ST18: variants seen among roughly 807,000 people sequenced by gnomAD.
The protein encoded by ST18 is ST18 C2H2C-type zinc finger transcription factor.
Under a neutral mutation model 110.0 loss-of-function variants are expected in ST18, and 50 were observed. That is an observed-to-expected ratio of 0.45 (90% confidence interval 0.36 to 0.58). ST18 has a LOEUF of 0.58. Among genes scored for constraint, ST18 ranks in the 20% least tolerant of loss-of-function variants. ST18 has a pLI of 0.00. For synonymous variants in ST18, 461 were observed against 452.4 expected (o/e 1.02, Z -0.24); for missense variants, 1,306 against 1,280.1 (o/e 1.02, Z -0.31).
rs554304585 is a variant in ST18 at position 52,243,913 on chromosome 8, C to T, written c.-464-13836G>A. 3.9e-5 allele frequency among the ~76,000 whole-genome samples: 6 copies of T among 152,102 alleles called. No individual in the cohort carries two copies. The East Asian group carries it at 9.7e-4, about 24-fold the overall frequency. ...AGAGGGAGAGAGAGAGAGCTGTGCA[C>T]GTGCATGTTTCCATTATTTGACAAA... On this transcript the variant is annotated intron_variant, in intron 2 of 25. Transcript: ENST00000689386.
At chr8:52,333,000 C>T (rs1810324616) in intron 2 of ST18, among the ~76,000 whole-genome samples, 1 of 152,076 alleles carries the variant, frequency 6.6e-6, no homozygotes, top group Non-Finnish European at 1.5e-5. Flanking sequence ...GAGGCTGAAT[C>T]ACTTGCCCCA....
rs79187377 is a variant in ST18 at position 52,398,948 on chromosome 8, C to T, written c.-465+10380G>A. On this transcript the variant is annotated intron_variant, in intron 2 of 25. Coordinates refer to ENST00000689386, the MANE Select transcript of ST18 (RefSeq NM_001352837.2). ...GCTTAGGTATCAAGGTAATAATGCC[C>T]TCATAAAATGCGTTAGGAAGTATTG... is the stretch of plus-strand genomic sequence containing the variant. Among the ~76,000 whole-genome samples the T allele has an allele frequency of 7.2e-5, 11 of 152,054 alleles. No individual in the cohort carries two copies. In the East Asian group the frequency reaches 1.9e-3, roughly 27 times the overall value.
chr8:52,360,083 T>C (rs552687188), intron 2 of ST18, among the ~76,000 whole-genome samples: 15 of 152,194 alleles, frequency 9.9e-5, no homozygotes, highest in Admixed American at 4.6e-4. Context: ...TCAAGTTCAG[T>C]TTCATTCTTC....
intron 2 of ST18, among the ~76,000 whole-genome samples, chr8:52,343,750 T>C (rs1460905616): frequency 2.0e-5 from 3 of 152,240 alleles, no homozygotes; most frequent in Admixed American, 1.3e-4. Flanking sequence ...GATTACCTTA[T>C]TTAATTACAG....
chr8:52,163,191 A>G (rs2061907386), intron 13 of ST18, among the ~76,000 whole-genome samples: 1 of 152,252 alleles, frequency 6.6e-6, no homozygotes, highest in Non-Finnish European at 1.5e-5. Context: ...TTCTTCACGC[A>G]TGTGATTTAA....
chr8:52,292,193 G>GA (rs1164679716), intron 2 of ST18, among the ~76,000 whole-genome samples: 2 of 152,132 alleles, frequency 1.3e-5, no homozygotes, highest in Non-Finnish European at 2.9e-5. Flanking sequence ...CATTAATATT[G>GA]AAAAAACATT....
chr8:52,255,053 A>G (rs1335293583), intron 2 of ST18, among the ~76,000 whole-genome samples: 5 of 152,110 alleles, frequency 3.3e-5, no homozygotes, highest in Admixed American at 1.3e-4. Context: ...CCCAAGCTAT[A>G]AGTAAATAGA....
chr8:52,195,588 A>T (rs1003933992), intron 8 of ST18, among the ~76,000 whole-genome samples: 1 of 152,136 alleles, frequency 6.6e-6, no homozygotes, highest in Non-Finnish European at 1.5e-5. Context: ...AAATAATCTT[A>T]AAAAAACTTT....
At chr8:52,141,137 C>G (rs572721586) in intron 17 of ST18, among the ~76,000 whole-genome samples, 1 of 152,304 alleles carries the variant, frequency 6.6e-6, no homozygotes, top group Non-Finnish European at 1.5e-5. Flanking sequence ...AGGGAGAATG[C>G]TATTTCAGCC....
At chr8:52,268,509 AT>A (rs2094955673) in intron 2 of ST18, among the ~76,000 whole-genome samples, 1 of 103,272 alleles carries the variant, frequency 9.7e-6, no homozygotes. Flanking sequence ...CTATCTATCT[AT>A]TTATCTATCT....
Position 52,333,683 on chromosome 8 carries a change from AG to A in ST18, c.-465+75644del. 2.0e-5 allele frequency among the ~76,000 whole-genome samples: 3 copies of A among 152,370 alleles called. No homozygotes were observed. The Middle Eastern group carries it at 0.01, about 518-fold the overall frequency. ...AAGAAAAAGAGGAACATACTTTTCT[AG>A]TACTTTCTTTATATTTGATAAACTT... On this transcript the variant is annotated intron_variant, in intron 2 of 25. Coordinates refer to ENST00000689386, the MANE Select transcript of ST18 (RefSeq NM_001352837.2).
chr8:52,253,309 T>C (rs1360744543), intron 2 of ST18, among the ~76,000 whole-genome samples: 1 of 152,112 alleles, frequency 6.6e-6, no homozygotes, highest in Admixed American at 6.5e-5. Context: ...TTTGAAATTT[T>C]TCTGTATAAC....
chr8:52,366,031 A>G (rs889161374), intron 2 of ST18, among the ~76,000 whole-genome samples: 1 of 152,254 alleles, frequency 6.6e-6, no homozygotes, highest in African/African-American at 2.4e-5. Context: ...CTTTGAGGAA[A>G]TTATCATCAT....
At chr8:52,171,729 T>C (rs2065034564) in intron 10 of ST18, 63 bp downstream of exon 10, 1 of 1,555,130 alleles carries the variant, frequency 6.4e-7, no homozygotes. Context: ...TAATCAAATC[T>C]GACTTTTTTT....
At chr8:52,175,191 G>A (rs1268693067) in intron 9 of ST18, among the ~76,000 whole-genome samples, 3 of 152,124 alleles carry the variant, frequency 2.0e-5, no homozygotes, top group Non-Finnish European at 4.4e-5. Context: ...AGGCCACACG[G>A]GAATACCCAA....
chr8:52,383,675 CT>C (rs1486303523), intron 2 of ST18, among the ~76,000 whole-genome samples: 1 of 152,170 alleles, frequency 6.6e-6, no homozygotes. Flanking sequence ...TCTCTAACTC[CT>C]GACCTCGTGA....
intron 2 of ST18, among the ~76,000 whole-genome samples, chr8:52,352,421 G>C (rs1358898994): frequency 6.6e-6 from 1 of 152,080 alleles, no homozygotes; most frequent in African/African-American, 2.4e-5. Flanking sequence ...CTTAAACATG[G>C]TCATGGAACC....
At chr8:52,405,307 T>G (rs1844089584) in intron 2 of ST18, 1 of 152,182 alleles carries the variant, frequency 6.6e-6, no homozygotes. Context: ...TCAAAATAAG[T>G]CCATTCTGAT....
intron 8 of ST18, among the ~76,000 whole-genome samples, chr8:52,191,765 T>A (rs2074571197): frequency 6.6e-6 from 1 of 151,902 alleles, no homozygotes; most frequent in South Asian, 2.1e-4. Context: ...CCACTTTGCA[T>A]GGAGAGAAAA....
Sources: allele counts gnomAD v4.1 joint callset (sites outside exome capture counted in the v4.1 genomes callset), GRCh38; gene constraint gnomAD v4.1.1; transcripts MANE v1.5; gene names NCBI Gene and HGNC (gene_info 2026-07-23, HGNC 2026-07-21).